WFS1: variants seen among roughly 807,000 people sequenced by gnomAD.
The protein encoded by WFS1 is wolframin.
WFS1 carries 90 observed loss-of-function variants against 68.5 expected under a neutral mutation model. The ratio of observed to expected loss-of-function variants is 1.31; its 90% CI spans 1.11 to 1.56. The LOEUF is 1.56. Among genes scored for constraint, WFS1 ranks in the 40% most tolerant of loss-of-function variants. The pLI is 0.00. For synonymous variants in WFS1, 860 were observed against 540.7 expected, an observed-to-expected ratio of 1.59 and a Z score of -8.19; for missense variants, 1,767 against 1,232.6, an observed-to-expected ratio of 1.43 and a Z score of -6.49.
rs1245056626 is a variant in WFS1, at chr4:6,277,432, A to G, written c.-5-19A>G. ...GCTCTGCCGGTGCTGGATGTGCCTG[A>G]CCTTGACTTTTCTTCCAGGCAGGAT... On this transcript the variant is annotated intron_variant, in intron 1 of 7. Coordinates refer to ENST00000226760, the MANE Select transcript of WFS1 (RefSeq NM_006005.3). 6.5e-7 allele frequency: 1 copy of G among 1,549,544 alleles called. No individual in the cohort carries two copies. Among genetic ancestry groups the G allele is most frequent in the Admixed American group, 2.0e-5 (1 of 51,044 alleles).
Position 6,300,810 on chromosome 4 carries a change from G to T in WFS1, c.1015G>T (p.Asp339Tyr). 2 of 1,613,912 alleles carry T rather than the reference G, an allele frequency of 1.2e-6. No individual in the cohort carries two copies. Among genetic ancestry groups the T allele is most frequent in the South Asian group, 1.1e-5 (1 of 91,056 alleles). Residue 339 changes from aspartate to tyrosine, a missense_variant, in exon 8 of 8, where the codon GAC becomes TAC. Asp to Tyr is a radical substitution (Grantham distance 160). Transcript: ENST00000226760. ...FFFIVSNLTI[D>Y]FFAFFIPLVI... The stretch of plus-strand genomic sequence containing the variant: ...CTTCATCGTCAGCAACCTCACCATC[G>T]ACTTCTTCGCCTTCTTCATCCCGCT...
In WFS1 at chr4:6,300,796, G is replaced by A. The variant is rs749253329; in HGVS notation, c.1001G>A (p.Ser334Asn). ...GCGCTCATCTTCTTCTTCATCGTCA[G>A]CAACCTCACCATCGACTTCTTCGCC... The part of the protein sequence containing the change: ...INALIFFFIV[S>N]NLTIDFFAFF... Residue 334 changes from serine (S) to asparagine (N), a missense_variant, in exon 8 of 8, where the codon AGC (serine) becomes AAC (asparagine). Transcript: ENST00000226760. The A allele has an allele frequency of 1.9e-6, 3 of 1,613,980 alleles. No homozygotes were observed. The South Asian group carries it at 3.3e-5, about 18-fold the overall frequency.
intron 1 of WFS1, 26 bp from the exon 2 acceptor site, chr4:6,277,425 G>A (rs1051542725): frequency 3.2e-6 from 5 of 1,547,752 alleles, no homozygotes; most frequent in African/African-American, 2.7e-5. Context: ...GGTGCTGGAT[G>A]TGCCTGACCT....
chr4:6,290,392 GC>G (rs1411639613), intron 4 of WFS1, among the ~76,000 whole-genome samples: 11 of 152,252 alleles, frequency 7.2e-5, no homozygotes, highest in Non-Finnish European at 1.5e-4. Flanking sequence ...CCTGGAGGGG[GC>G]TCAGGCGGCC....
At chr4:6,292,324 C>T (rs543805670) in intron 6 of WFS1, among the ~76,000 whole-genome samples, 19 of 150,042 alleles carry the variant, frequency 1.3e-4, no homozygotes, top group African/African-American at 2.7e-4. Flanking sequence ...TGGGGACTGG[C>T]GGGGGGGTCC....
chr4:6,300,531 G>T, intron 7 of WFS1, 126 bp from the exon 8 acceptor site: 1 of 1,420,712 alleles, frequency 7.0e-7, no homozygotes, highest in Non-Finnish European at 9.6e-7. Context: ...GGATGGGGCT[G>T]GTGATGGGAA....
At chr4:6,299,667 GT>G (rs1355683529) in intron 7 of WFS1, among the ~76,000 whole-genome samples, 1 of 106,072 alleles carries the variant, frequency 9.4e-6, no homozygotes, top group African/African-American at 3.8e-5. Context: ...GTGTGTAGGG[GT>G]GGGTTGTTTG....
intron 1 of WFS1, among the ~76,000 whole-genome samples, chr4:6,272,340 A>G (rs1312442645): frequency 6.6e-6 from 1 of 152,126 alleles, no homozygotes; most frequent in African/African-American, 2.4e-5. Context: ...CTTGGCCACT[A>G]TGGCCGTCAT....
At chr4:6,288,533 T>C (rs1202045950) in intron 3 of WFS1, 3 of 267,036 alleles carry the variant, frequency 1.1e-5, no homozygotes, top group Non-Finnish European at 2.2e-5. Context: ...TATGGTTGTA[T>C]TTCAATAAAA....
intron 2 of WFS1, among the ~76,000 whole-genome samples, chr4:6,279,882 G>A (rs1730106188): frequency 6.6e-6 from 1 of 152,240 alleles, no homozygotes; most frequent in Non-Finnish European, 1.5e-5. Flanking sequence ...TTGCCTCCCT[G>A]AGGAACTGAC....
intron 3 of WFS1, among the ~76,000 whole-genome samples, chr4:6,288,243 C>T (rs1268897387): frequency 6.7e-6 from 1 of 150,140 alleles, no homozygotes; most frequent in African/African-American, 2.5e-5. Flanking sequence ...AAATTTCTTT[C>T]CTGACCTCAC....
rs1307712076 is a variant in WFS1, at chr4:6,302,649, G to T, written c.*181G>T. 6 of 840,294 alleles carry T rather than the reference G, an allele frequency of 7.1e-6. No homozygotes were observed. The highest frequency in any genetic ancestry group is 1.1e-5 in the Non-Finnish European group (6 of 547,374). 52.1% of individuals were successfully genotyped at this position (840,294 alleles called of 1,614,324 possible). ...CCGACAAAGGGAAGGCTGCTGTGTA[G>T]CTCTGTCCACTCTGAATACCAAGTG... On this transcript the variant is annotated 3_prime_UTR_variant, in exon 8 of 8. Transcript: ENST00000226760.
chr4:6,298,784 G>C (rs933191978), intron 7 of WFS1, among the ~76,000 whole-genome samples: 2 of 152,236 alleles, frequency 1.3e-5, no homozygotes, highest in African/African-American at 4.8e-5. Flanking sequence ...TGGCAGGTGA[G>C]GGCCACATTC....
At chr4:6,271,324 C>T (rs1729833355) in intron 1 of WFS1, among the ~76,000 whole-genome samples, 1 of 152,204 alleles carries the variant, frequency 6.6e-6, no homozygotes, top group Non-Finnish European at 1.5e-5. Flanking sequence ...TGGGAGACCC[C>T]ATCTCACCTT....
intron 6 of WFS1, chr4:6,294,818 G>A: frequency 3.2e-6 from 2 of 616,984 alleles, no homozygotes; most frequent in Admixed American, 2.7e-5. Context: ...AGGGGCCGGG[G>A]GCCAGGAGTG....
chr4:6,303,096 G>A lies in WFS1; in HGVS notation c.*628G>A, dbSNP rs930046489. ...TGTCCAGCAGGTAGTGGGTGAATGT[G>A]TGAAGGTCTTGCCTGAATCCATCAG... On this transcript the variant is annotated 3_prime_UTR_variant, in exon 8 of 8. Transcript: ENST00000226760. The A allele has an allele frequency of 8.9e-5, 14 of 156,870 alleles. No individual in the cohort carries two copies. The highest frequency in any genetic ancestry group is 1.7e-4 in the Non-Finnish European group (12 of 70,594). The allele number at this position is 156,870 out of a possible 1,614,324, so 9.7% of individuals were successfully genotyped here. A position where few individuals can be genotyped will look rare whatever the true frequency, so the allele number is the denominator to read the frequency against.
rs886059528 is a variant in WFS1 at position 6,300,894 on chromosome 4, G to A, written c.1099G>A (p.Asp367Asn). 1.5e-5 allele frequency: 24 copies of A among 1,614,088 alleles called. No homozygotes were observed. Among genetic ancestry groups the A allele is most frequent in the South Asian group, 4.4e-5 (4 of 91,062 alleles). ...GATCTGCACCCTCAAGGTGTTCCAG[G>A]ACAGCAAGGCCTGGGAGAACTTCCG... is the stretch of plus-strand genomic sequence containing the variant. ...MVICTLKVFQDSKAWENFRTL... is the reference protein window; with the variant it reads ...MVICTLKVFQNSKAWENFRTL... The change falls in exon 8 of 8, where the codon GAC becomes AAC. Residue 367 changes from aspartate (D) to asparagine (N), a missense_variant. By Grantham distance (23) the Asp-to-Asn change is conservative. Transcript: ENST00000226760.
chr4:6,276,676 C>A (rs942847783), intron 1 of WFS1, among the ~76,000 whole-genome samples: 5 of 152,198 alleles, frequency 3.3e-5, no homozygotes, highest in Non-Finnish European at 5.9e-5. Context: ...TTACTCAGTA[C>A]CAGCGTATTA....
At position 6,302,597 on chromosome 4, in the gene WFS1, T is replaced by C; in HGVS notation, c.*129T>C. On this transcript the variant is annotated 3_prime_UTR_variant, in exon 8 of 8. Transcript: ENST00000226760. ...GTGCAGACTGTGGCTGCAGAGACCTTGCGACCATGTGTAGATTGCGTGGAC... is the reference window on the plus strand; with the variant it reads ...GTGCAGACTGTGGCTGCAGAGACCTCGCGACCATGTGTAGATTGCGTGGAC... 2.2e-6 allele frequency: 3 copies of C among 1,366,502 alleles called. No homozygotes were observed. The highest frequency in any genetic ancestry group is 3.0e-6 in the Non-Finnish European group (3 of 1,002,654). The allele number at this position is 1,366,502 out of a possible 1,614,324, so 84.6% of individuals were successfully genotyped here.
Sources: allele counts gnomAD v4.1 joint callset (sites outside exome capture counted in the v4.1 genomes callset), GRCh38; gene constraint gnomAD v4.1.1; transcripts MANE v1.5; gene names NCBI Gene and HGNC (gene_info 2026-07-23, HGNC 2026-07-21).